The following GABBR2 variants were observed in gnomAD, a reference collection of about 807,000 sequenced individuals.
The protein encoded by GABBR2 is G-protein coupled receptor 51.
A neutral mutation model predicts 105.6 loss-of-function variants in GABBR2; 23 were observed. The ratio of observed to expected loss-of-function variants is 0.22; its 90% CI spans 0.16 to 0.31. The LOEUF is 0.31. Among genes scored for constraint, GABBR2 ranks in the 10% least tolerant of loss-of-function variants. GABBR2 has a pLI of 1.00. For synonymous variants in GABBR2, 478 were observed against 499.7 expected (o/e 0.96, Z 0.58); for missense variants, 734 against 1,245.5 (o/e 0.59, Z 6.18).
At chr9:98,336,835 A>G (rs1831124358) in intron 13 of GABBR2, among the ~76,000 whole-genome samples, 2 of 152,104 alleles carry the variant, frequency 1.3e-5, no homozygotes, top group Non-Finnish European at 2.9e-5. Flanking sequence ...TGATCTGACT[A>G]TATTTGCTGT....
At chr9:98,648,118 T>TAGATAGATAGATAGAG (rs1382346691) in intron 1 of GABBR2, among the ~76,000 whole-genome samples, 1 of 142,034 alleles carries the variant, frequency 7.0e-6, no homozygotes, top group Non-Finnish European at 1.5e-5. Flanking sequence ...TGTGTGTGTA[T>TAGATAGATAGATAGAG]AGATAGATAG....
chr9:98,506,285 A>G (rs1313299359), intron 3 of GABBR2, among the ~76,000 whole-genome samples: 1 of 152,098 alleles, frequency 6.6e-6, no homozygotes, highest in East Asian at 1.9e-4. Flanking sequence ...TTTCTTCCCC[A>G]TGGACGTGTC....
chr9:98,691,059 C>T (rs1830676386), intron 1 of GABBR2, among the ~76,000 whole-genome samples: 1 of 152,240 alleles, frequency 6.6e-6, no homozygotes, highest in African/African-American at 2.4e-5. Flanking sequence ...CACCTACAGA[C>T]TCAACTTAGA....
chr9:98,399,444 A>G (rs1417215048), intron 8 of GABBR2, among the ~76,000 whole-genome samples: 1 of 151,898 alleles, frequency 6.6e-6, no homozygotes, highest in Non-Finnish European at 1.5e-5. Context: ...CCCTCCTCTG[A>G]ATGCCCACAG....
Position 98,492,349 on chromosome 9 carries a change from TAAAAAAAAAAA to T in GABBR2, c.732+4053_732+4063del, listed in dbSNP as rs574771107. ...GAGCCCGCTTAAGTTTGTTTCCTAG[TAAAAAAAAAAA>T]AAAAAAAAAAAAAAAAATTCTTATT... On this transcript the variant is annotated intron_variant, in intron 4 of 18. Transcript: ENST00000259455. 8.9e-4 allele frequency among the ~76,000 whole-genome samples: 26 copies of T among 29,220 alleles called. 1 individual carries two copies. The South Asian group carries it at 0.021, about 23-fold the overall frequency. The allele number at this position is 29,220 out of a possible 152,430, so 19.2% of individuals were successfully genotyped here. A position where few individuals can be genotyped will look rare whatever the true frequency, so the allele number is the denominator to read the frequency against.
At chr9:98,315,653 ACCCACCCCCCAACC>A (rs1830702781) in intron 13 of GABBR2, among the ~76,000 whole-genome samples, 1 of 152,130 alleles carries the variant, frequency 6.6e-6, no homozygotes, top group African/African-American at 2.4e-5. Context: ...CAGGTGGGCT[ACCCACCCCCCAACC>A]CCCAGTGCTT....
intron 8 of GABBR2, among the ~76,000 whole-genome samples, chr9:98,399,864 A>T (rs1277860113): frequency 6.6e-6 from 1 of 152,080 alleles, no homozygotes; most frequent in Non-Finnish European, 1.5e-5. Context: ...AGAAAAAGAC[A>T]GTAACTTCAA....
At chr9:98,317,989 TA>T (rs1830748517) in intron 13 of GABBR2, among the ~76,000 whole-genome samples, 1 of 152,046 alleles carries the variant, frequency 6.6e-6, no homozygotes, top group Non-Finnish European at 1.5e-5. Flanking sequence ...ACCCGGCAGA[TA>T]AGAAATGCCA....
chr9:98,418,535 AAAC>A (rs142145341), intron 7 of GABBR2, among the ~76,000 whole-genome samples: 63,999 of 150,524 alleles, frequency 0.43, 14,230 homozygotes, highest in East Asian at 0.84. Context: ...ACCCTGTCTC[AAAC>A]AACAACAACA....
At chr9:98,315,902 G>T (rs982524939) in intron 13 of GABBR2, among the ~76,000 whole-genome samples, 7 of 152,208 alleles carry the variant, frequency 4.6e-5, no homozygotes, top group African/African-American at 1.7e-4. Context: ...CACCATGGGG[G>T]ACTCCCCCAC....
rs528955118 is a variant in GABBR2, at chr9:98,449,213, T to G, written c.1236+4768A>C. On this transcript the variant is annotated intron_variant, in intron 7 of 18. Coordinates refer to ENST00000259455, the MANE Select transcript of GABBR2 (RefSeq NM_005458.8). ...GATCCAGCAAGTTAGGATGGCTCCT[T>G]GGTCTTTACTCCCCTAAGCGAAACC... 1.1e-4 allele frequency among the ~76,000 whole-genome samples: 16 copies of G among 152,312 alleles called. No homozygotes were observed. In the South Asian group the frequency reaches 1.9e-3, roughly 18 times the overall value.
At chr9:98,577,799 G>T in intron 2 of GABBR2, 136 bp downstream of exon 2, 2 of 782,502 alleles carry the variant, frequency 2.6e-6, no homozygotes, top group Non-Finnish European at 4.0e-6. Context: ...GAAAGGCTGT[G>T]CTATCACCCA....
At chr9:98,639,496 A>C (rs941139981) in intron 1 of GABBR2, among the ~76,000 whole-genome samples, 6 of 151,898 alleles carry the variant, frequency 4.0e-5, no homozygotes, top group African/African-American at 1.5e-4. Context: ...AAAACAGCAC[A>C]CCTTGCAGCG....
intron 13 of GABBR2, among the ~76,000 whole-genome samples, chr9:98,318,765 C>T (rs1428929499): frequency 6.6e-6 from 1 of 152,190 alleles, no homozygotes. Context: ...GCATGCAGAA[C>T]TTTCTCCCTG....
chr9:98,347,983 T>C (rs150913293), intron 13 of GABBR2, among the ~76,000 whole-genome samples: 93 of 152,350 alleles, frequency 6.1e-4, no homozygotes, highest in African/African-American at 2.2e-3. Context: ...ATTTAAGATG[T>C]GCCTTTGATT....
chr9:98,676,840 A>G (rs1291388396), intron 1 of GABBR2, among the ~76,000 whole-genome samples: 3 of 152,240 alleles, frequency 2.0e-5, no homozygotes, highest in Non-Finnish European at 2.9e-5. Flanking sequence ...AGCAGCTTAC[A>G]TGTAACCCAA....
At chr9:98,669,606 A>G (rs1295184307) in intron 1 of GABBR2, among the ~76,000 whole-genome samples, 1 of 152,198 alleles carries the variant, frequency 6.6e-6, no homozygotes, top group Admixed American at 6.5e-5. Flanking sequence ...TTTAATTAAC[A>G]TAGCTTTATA....
At chr9:98,596,199 G>A (rs1481542660) in intron 1 of GABBR2, among the ~76,000 whole-genome samples, 2 of 152,228 alleles carry the variant, frequency 1.3e-5, no homozygotes, top group Admixed American at 6.5e-5. Flanking sequence ...CCCCATAAAC[G>A]AGGATGATAA....
chr9:98,453,177 C>A (rs1234482126), intron 7 of GABBR2, among the ~76,000 whole-genome samples: 3 of 152,176 alleles, frequency 2.0e-5, no homozygotes, highest in African/African-American at 7.2e-5. Flanking sequence ...CGGGCATGTG[C>A]CACCACGCCC....
Sources: gnomAD v4.1 joint callset for allele counts (sites outside exome capture counted in the v4.1 genomes callset) on GRCh38, gnomAD v4.1.1 for gene constraint, MANE v1.5 for transcripts, NCBI Gene and HGNC (gene_info 2026-07-23, HGNC 2026-07-21) for gene names.